HS6ST3: variants seen among roughly 807,000 people sequenced by gnomAD.
HS6ST3 encodes the protein heparan sulfate 6-O-sulfotransferase 3.
Under a neutral mutation model 36.7 loss-of-function variants are expected in HS6ST3, and 12 were observed. That is an observed-to-expected ratio of 0.33 (90% CI 0.21 to 0.53). The LOEUF (loss-of-function observed/expected upper bound fraction) is 0.53. Among genes scored for constraint, HS6ST3 ranks in the 20% least tolerant of loss-of-function variants. The pLI is 0.95. For missense variants in HS6ST3, 584 were observed against 640.9 expected, an observed-to-expected ratio of 0.91 and a Z score of 0.96; for synonymous variants, 240 against 257.5, an observed-to-expected ratio of 0.93 and a Z score of 0.65.
intron 1 of HS6ST3, among the ~76,000 whole-genome samples, chr13:96,389,323 G>A (rs539848562): frequency 4.6e-4 from 70 of 151,930 alleles, no homozygotes; most frequent in Admixed American, 1.2e-3. Flanking sequence ...CTATAGTAAC[G>A]ATTTTACTAT....
chr13:96,118,175 A>G (rs1265076953), intron 1 of HS6ST3, among the ~76,000 whole-genome samples: 2 of 152,132 alleles, frequency 1.3e-5, no homozygotes, highest in South Asian at 4.1e-4. Flanking sequence ...CCCAGCCAGA[A>G]TGTGACTTTA....
chr13:96,235,519 A>G (rs1009116836), intron 1 of HS6ST3, among the ~76,000 whole-genome samples: 1 of 152,212 alleles, frequency 6.6e-6, no homozygotes, highest in African/African-American at 2.4e-5. Flanking sequence ...CACCATTCCT[A>G]GCAAATAAAT....
intron 1 of HS6ST3, among the ~76,000 whole-genome samples, chr13:96,118,251 C>G (rs558318147): frequency 6.6e-6 from 1 of 152,012 alleles, no homozygotes; most frequent in Non-Finnish European, 1.5e-5. Context: ...GGTCCTAATT[C>G]GATATGACTG....
intron 1 of HS6ST3, among the ~76,000 whole-genome samples, chr13:96,674,209 C>A (rs1412262693): frequency 6.6e-6 from 1 of 152,074 alleles, no homozygotes; most frequent in Non-Finnish European, 1.5e-5. Context: ...CCTTCCCTTT[C>A]TTTCCCCTGC....
intron 1 of HS6ST3, among the ~76,000 whole-genome samples, chr13:96,775,015 G>A (rs1877352680): frequency 6.6e-6 from 1 of 152,102 alleles, no homozygotes; most frequent in South Asian, 2.1e-4. Flanking sequence ...AGAAGAGAGT[G>A]GGGGCCAATA....
At chr13:96,676,706 A>G (rs1321330804) in intron 1 of HS6ST3, among the ~76,000 whole-genome samples, 1 of 152,142 alleles carries the variant, frequency 6.6e-6, no homozygotes, top group East Asian at 1.9e-4. Context: ...AATTTTCTAA[A>G]TTATTTATGA....
intron 1 of HS6ST3, among the ~76,000 whole-genome samples, chr13:96,643,125 G>C (rs2056576018): frequency 6.6e-6 from 1 of 151,902 alleles, no homozygotes; most frequent in Admixed American, 6.6e-5. Flanking sequence ...TGTTCTTTTT[G>C]TGTGTGGCTA....
At chr13:96,177,120 A>G (rs1048962847) in intron 1 of HS6ST3, among the ~76,000 whole-genome samples, 1 of 152,206 alleles carries the variant, frequency 6.6e-6, no homozygotes, top group Non-Finnish European at 1.5e-5. Context: ...TTGAAAAATA[A>G]CAGATGCGGG....
rs144340521 is a variant in HS6ST3 at position 96,333,250 on chromosome 13, A to G, written c.707+241681A>G. 7.2e-4 allele frequency among the ~76,000 whole-genome samples: 110 copies of G among 152,346 alleles called. 2 individuals are homozygous for G. Among genetic ancestry groups the G allele is most frequent in the African/African-American group, 2.5e-3 (106 of 41,592 alleles). On this transcript the variant is annotated intron_variant, in intron 1 of 1. Transcript: ENST00000376705. The stretch of plus-strand genomic sequence containing the variant: ...CTAATATTGAGAACCATAACTGCAT[A>G]TTATGACATCTGAGTTCAGAATCAA...
At chr13:96,423,332 T>A (rs1175806304) in intron 1 of HS6ST3, among the ~76,000 whole-genome samples, 1 of 151,990 alleles carries the variant, frequency 6.6e-6, no homozygotes, top group Non-Finnish European at 1.5e-5. Context: ...GGGTCCTGGG[T>A]CCAAAAAAAG....
intron 1 of HS6ST3, among the ~76,000 whole-genome samples, chr13:96,270,048 G>T (rs781010323): frequency 6.6e-6 from 1 of 151,896 alleles, no homozygotes; most frequent in Non-Finnish European, 1.5e-5. Flanking sequence ...AGACGTACCT[G>T]GTTATCTGTC....
chr13:96,146,977 G>T (rs549900793), intron 1 of HS6ST3, among the ~76,000 whole-genome samples: 1 of 152,296 alleles, frequency 6.6e-6, no homozygotes, highest in African/African-American at 2.4e-5. Flanking sequence ...ACACAGGAAA[G>T]TTTATTGTAT....
At chr13:96,609,161 G>A (rs1166179965) in intron 1 of HS6ST3, among the ~76,000 whole-genome samples, 7 of 151,916 alleles carry the variant, frequency 4.6e-5, no homozygotes, top group Middle Eastern at 6.8e-3. Flanking sequence ...TAGTGGAGAC[G>A]GGACTTCACT....
chr13:96,355,179 T>A (rs1338458233), intron 1 of HS6ST3, among the ~76,000 whole-genome samples: 1 of 152,038 alleles, frequency 6.6e-6, no homozygotes, highest in Non-Finnish European at 1.5e-5. Flanking sequence ...CAAAGTAAAT[T>A]TAAAACCTCC....
At chr13:96,827,517 G>T (rs1332458514) in intron 1 of HS6ST3, among the ~76,000 whole-genome samples, 1 of 152,000 alleles carries the variant, frequency 6.6e-6, no homozygotes, top group East Asian at 1.9e-4. Flanking sequence ...TCTGTCTAAA[G>T]TGATTTCCAG....
chr13:96,674,656 C>T (rs2056693279), intron 1 of HS6ST3, among the ~76,000 whole-genome samples: 1 of 152,126 alleles, frequency 6.6e-6, no homozygotes, highest in Non-Finnish European at 1.5e-5. Context: ...CTGATTCATT[C>T]TCAGCAGAAA....
At chr13:96,195,685 T>C (rs1473402454) in intron 1 of HS6ST3, among the ~76,000 whole-genome samples, 1 of 152,144 alleles carries the variant, frequency 6.6e-6, no homozygotes, top group Non-Finnish European at 1.5e-5. Flanking sequence ...GTAGCAAGCA[T>C]TTGCTGTAGA....
chr13:96,296,992 T>A (rs2054857984), intron 1 of HS6ST3, among the ~76,000 whole-genome samples: 1 of 152,052 alleles, frequency 6.6e-6, no homozygotes, highest in East Asian at 1.9e-4. Context: ...GCTCCTAACT[T>A]TATCTTGCTA....
chr13:96,144,649 T>G (rs991708551), intron 1 of HS6ST3, among the ~76,000 whole-genome samples: 3 of 151,680 alleles, frequency 2.0e-5, no homozygotes, highest in African/African-American at 7.3e-5. Flanking sequence ...TTAATTTTTA[T>G]TATTATTATA....
Sources: allele counts gnomAD v4.1 joint callset (sites outside exome capture counted in the v4.1 genomes callset), GRCh38; gene constraint gnomAD v4.1.1; transcripts MANE v1.5; gene names NCBI Gene and HGNC (gene_info 2026-07-23, HGNC 2026-07-21).